The following GTF2A1 variants were observed in gnomAD, a reference collection of about 807,000 sequenced individuals.
The protein encoded by GTF2A1 is transcription initiation factor IIA subunit 1.
A neutral mutation model predicts 54.1 loss-of-function variants in GTF2A1; 12 were observed. The ratio of observed to expected loss-of-function variants is 0.22; its 90% CI spans 0.14 to 0.36. The LOEUF (loss-of-function observed/expected upper bound fraction) is 0.36. Among genes scored for constraint, GTF2A1 ranks in the 10% least tolerant of loss-of-function variants. The probability of loss-of-function intolerance (pLI) is 1.00; values close to 1 mark genes in which losing one functional copy is unlikely to be tolerated. For synonymous variants in GTF2A1, 145 were observed against 152.0 expected, an observed-to-expected ratio of 0.95 and a Z score of 0.34; for missense variants, 335 against 442.2, an observed-to-expected ratio of 0.76 and a Z score of 2.17.
In GTF2A1 at chr14:81,220,687, G is replaced by T; in HGVS notation, c.-169C>A. Reference sequence around the variant, plus strand: ...AAGGAGTAGGGGAGAGCGGAGAGAGGAGGAGGAGGGGGGCACTCCTCCCGC... The same window carrying T: ...AAGGAGTAGGGGAGAGCGGAGAGAGTAGGAGGAGGGGGGCACTCCTCCCGC... On this transcript the variant is annotated 5_prime_UTR_variant, in exon 1 of 9. Coordinates refer to ENST00000553612, the MANE Select transcript of GTF2A1 (RefSeq NM_015859.4). 1 of 416,514 alleles carries T rather than the reference G, an allele frequency of 2.4e-6. No homozygotes were observed. Among genetic ancestry groups the T allele is most frequent in the Non-Finnish European group, 4.2e-6 (1 of 237,756 alleles). The allele number at this position is 416,514 out of a possible 1,614,324, so 25.8% of individuals were successfully genotyped here.
rs554839378 is a variant in GTF2A1, at chr14:81,177,930, G to A, written c.*2293C>T. 1.3e-5 allele frequency: 2 copies of A among 152,178 alleles called. No homozygotes were observed. The highest frequency in any genetic ancestry group is 4.8e-5 in the African/African-American group (2 of 41,554). 9.4% of individuals were successfully genotyped at this position (152,178 alleles called of 1,614,324 possible). ...GCAATGTAGCTTGGACCAGCTTTCA[G>A]AATTTTCACAGGTAAAAGAAAAGCA... is the stretch of plus-strand genomic sequence containing the variant. On this transcript the variant is annotated 3_prime_UTR_variant, in exon 9 of 9. Coordinates refer to ENST00000553612, the MANE Select transcript of GTF2A1 (RefSeq NM_015859.4).
At chr14:81,217,617 T>G (rs764500089) in intron 1 of GTF2A1, among the ~76,000 whole-genome samples, 1 of 152,098 alleles carries the variant, frequency 6.6e-6, no homozygotes, top group African/African-American at 2.4e-5. Flanking sequence ...CTGGGTAACA[T>G]AGTGAAACCC....
At chr14:81,188,649 C>A (rs1261338791) in intron 7 of GTF2A1, among the ~76,000 whole-genome samples, 2 of 151,554 alleles carry the variant, frequency 1.3e-5, no homozygotes, top group Admixed American at 1.3e-4. Flanking sequence ...TGGTGGCGGG[C>A]ACCTGTAGTC....
At position 81,220,932 on chromosome 14, in the gene GTF2A1, A is replaced by ACCGCCGCCACCG. The variant is rs1555391117; in HGVS notation, c.-415_-414insCGGTGGCGGCGG. The ACCGCCGCCACCG allele has an allele frequency of 1.2e-5, 2 of 164,320 alleles. No homozygotes were observed. The highest frequency in any genetic ancestry group is 2.6e-5 in the Non-Finnish European group (2 of 77,518). The allele number at this position is 164,320 out of a possible 1,614,324, so 10.2% of individuals were successfully genotyped here. A position where few individuals can be genotyped will look rare whatever the true frequency, so the allele number is the denominator to read the frequency against. On this transcript the variant is annotated 5_prime_UTR_variant, in exon 1 of 9. Transcript: ENST00000553612. The stretch of plus-strand genomic sequence containing the variant: ...GAGCCAACAAGCTGCGCGAGCCACC[A>ACCGCCGCCACCG]CCGCCGCCGCCGCCGCCGCCGAGAG...
chr14:81,204,049 T>C lies in GTF2A1; in HGVS notation c.188A>G (p.Glu63Gly), dbSNP rs1189279846. ...TTGAACTTGCAGTAGAAGCTGCTGCTCTTCTGAATGAAATCCATCTACTGC... is the reference window on the plus strand; with the variant it reads ...TTGAACTTGCAGTAGAAGCTGCTGCCCTTCTGAATGAAATCCATCTACTGC... ...SRAVDGFHSEEQQLLLQVQQQ... is the reference protein window; with the variant it reads ...SRAVDGFHSEGQQLLLQVQQQ... Residue 63 changes from glutamate (E) to glycine (G), a missense_variant, in exon 3 of 9, where the codon GAG becomes GGG. Physicochemically the swap from Glu to Gly is moderately conservative, Grantham distance 98. Coordinates refer to ENST00000553612, the MANE Select transcript of GTF2A1 (RefSeq NM_015859.4). The C allele has an allele frequency of 6.2e-7, 1 of 1,613,340 alleles. No individual in the cohort carries two copies. The highest frequency in any genetic ancestry group is 1.3e-5 in the African/African-American group (1 of 74,928).
intron 2 of GTF2A1, among the ~76,000 whole-genome samples, chr14:81,206,151 C>T (rs1455246527): frequency 1.3e-5 from 2 of 152,186 alleles, no homozygotes; most frequent in Non-Finnish European, 1.5e-5. Flanking sequence ...ATCACTTCTA[C>T]GAAGCTCCTA....
intron 7 of GTF2A1, among the ~76,000 whole-genome samples, chr14:81,189,453 C>T (rs1423356183): frequency 1.3e-5 from 2 of 152,092 alleles, no homozygotes; most frequent in East Asian, 1.9e-4. Context: ...GGGCGGATCA[C>T]GAGGTCAGGA....
At chr14:81,213,279 T>C (rs1240699873) in intron 2 of GTF2A1, among the ~76,000 whole-genome samples, 1 of 152,070 alleles carries the variant, frequency 6.6e-6, no homozygotes, top group Non-Finnish European at 1.5e-5. Context: ...ACCTATAAAA[T>C]ATGTACTAAA....
chr14:81,219,977 C>T (rs2140047919), intron 1 of GTF2A1, among the ~76,000 whole-genome samples: 1 of 151,902 alleles, frequency 6.6e-6, no homozygotes, highest in South Asian at 2.1e-4. Flanking sequence ...AAAGCACAGC[C>T]GCCAAAAACA....
chr14:81,207,947 AAAAGGG>A (rs980656017), intron 2 of GTF2A1, among the ~76,000 whole-genome samples: 2 of 152,224 alleles, frequency 1.3e-5, no homozygotes, highest in Non-Finnish European at 2.9e-5. Context: ...ATTCCGTTTT[AAAAGGG>A]AAACAAAGCA....
At chr14:81,187,309 T>C (rs989730793) in intron 7 of GTF2A1, among the ~76,000 whole-genome samples, 2 of 149,270 alleles carry the variant, frequency 1.3e-5, no homozygotes, top group Non-Finnish European at 3.0e-5. Flanking sequence ...AAGCCAAGAT[T>C]GCACCACTGC....
chr14:81,215,549 C>T (rs952058038), intron 2 of GTF2A1, among the ~76,000 whole-genome samples: 1 of 152,078 alleles, frequency 6.6e-6, no homozygotes, highest in African/African-American at 2.4e-5. Context: ...AACACAACTG[C>T]TAATAAAAAA....
intron 2 of GTF2A1, among the ~76,000 whole-genome samples, chr14:81,208,054 CAT>C (rs1268303787): frequency 6.6e-6 from 1 of 152,152 alleles, no homozygotes; most frequent in Admixed American, 6.5e-5. Flanking sequence ...GAGAAATTTG[CAT>C]AAGTAGCAAG....
At chr14:81,216,318 G>T in intron 2 of GTF2A1, 95 bp downstream of exon 2, 1 of 661,122 alleles carries the variant, frequency 1.5e-6, no homozygotes, top group Non-Finnish European at 2.7e-6. Context: ...TCAACTATAC[G>T]TTCATCCTAT....
intron 7 of GTF2A1, among the ~76,000 whole-genome samples, chr14:81,188,079 T>C (rs1892788607): frequency 6.6e-6 from 1 of 152,250 alleles, no homozygotes; most frequent in Admixed American, 6.5e-5. Context: ...TAATGACTAA[T>C]GATGCTGAGC....
intron 2 of GTF2A1, among the ~76,000 whole-genome samples, 183 bp downstream of exon 2, chr14:81,216,230 T>C (rs937600216): frequency 6.6e-6 from 1 of 152,124 alleles, no homozygotes; most frequent in African/African-American, 2.4e-5. Context: ...ATAAGAAAAC[T>C]GAAATATAAA....
chr14:81,216,123 GCTA>G (rs1893483542), intron 2 of GTF2A1, among the ~76,000 whole-genome samples: 1 of 152,206 alleles, frequency 6.6e-6, no homozygotes, highest in Non-Finnish European at 1.5e-5. Flanking sequence ...AACTGCTAAT[GCTA>G]CTATCAAGCA....
chr14:81,206,898 T>C (rs1037707088), intron 2 of GTF2A1, among the ~76,000 whole-genome samples: 1 of 152,144 alleles, frequency 6.6e-6, no homozygotes, highest in African/African-American at 2.4e-5. Flanking sequence ...AATCAGACTG[T>C]ACTACACTGA....
At chr14:81,183,140 C>T (rs974131609) in intron 8 of GTF2A1, among the ~76,000 whole-genome samples, 1 of 152,164 alleles carries the variant, frequency 6.6e-6, no homozygotes, top group Non-Finnish European at 1.5e-5. Context: ...TTCCCAATGG[C>T]AGGGACTGTT....
Sources: allele counts gnomAD v4.1 joint callset (sites outside exome capture counted in the v4.1 genomes callset), GRCh38; gene constraint gnomAD v4.1.1; transcripts MANE v1.5; gene names NCBI Gene and HGNC (gene_info 2026-07-23, HGNC 2026-07-21).